Variants in AGTPBP1 observed in about 807,000 individuals in gnomAD.
The protein encoded by AGTPBP1 is ATP/GTP binding carboxypeptidase 1.
Under a neutral mutation model 143.9 loss-of-function variants are expected in AGTPBP1, and 70 were observed. The ratio of observed to expected loss-of-function variants is 0.49; its 90% CI spans 0.40 to 0.59. The LOEUF is 0.59. Ranked by LOEUF, AGTPBP1 falls within the 20% of genes least tolerant of loss-of-function variation. The pLI is 0.00. For synonymous variants in AGTPBP1, 463 were observed against 500.2 expected (o/e 0.93, Z 0.99); for missense variants, 1,229 against 1,464.5 (o/e 0.84, Z 2.62).
At chr9:85,723,553 C>T (rs1019501087) in intron 1 of AGTPBP1, among the ~76,000 whole-genome samples, 6 of 152,178 alleles carry the variant, frequency 3.9e-5, no homozygotes, top group South Asian at 2.1e-4. Context: ...ATGGGAAAAG[C>T]GCAGTATTTG....
At chr9:85,708,982 TC>T (rs1837196407) in intron 2 of AGTPBP1, among the ~76,000 whole-genome samples, 1 of 152,198 alleles carries the variant, frequency 6.6e-6, no homozygotes, top group Admixed American at 6.5e-5. Context: ...ACTTCCTGAT[TC>T]CAAAATTCTA....
chr9:85,712,260 G>A (rs935652420), intron 2 of AGTPBP1, among the ~76,000 whole-genome samples: 10 of 151,346 alleles, frequency 6.6e-5, no homozygotes, highest in South Asian at 2.1e-4. Context: ...GTGAAATTCC[G>A]TCTCAAAAAA....
intron 17 of AGTPBP1, 81 bp from the exon 18 acceptor site, chr9:85,596,530 C>T: frequency 2.2e-6 from 2 of 913,076 alleles, no homozygotes; most frequent in Non-Finnish European, 3.2e-6. Context: ...GTAGAAAGCA[C>T]CAAACATTCA....
the AGTPBP1 span, among the ~76,000 whole-genome samples, chr9:85,749,098 G>A: frequency 1.3e-5 from 2 of 148,180 alleles, no homozygotes; most frequent in Admixed American, 1.4e-4. Context: ...GGGCTCAAGC[G>A]ATCCTCCCAC....
intron 2 of AGTPBP1, among the ~76,000 whole-genome samples, chr9:85,698,958 G>A (rs997055138): frequency 2.6e-5 from 4 of 151,654 alleles, no homozygotes; most frequent in African/African-American, 4.8e-5. Context: ...CTCCCAAAGC[G>A]CTGAGATTAC....
intron 14 of AGTPBP1, among the ~76,000 whole-genome samples, chr9:85,628,351 G>A (rs1362549090): frequency 6.6e-6 from 1 of 152,126 alleles, no homozygotes; most frequent in Non-Finnish European, 1.5e-5. Flanking sequence ...TGGCAAATAT[G>A]GCAGGAAAAT....
At chr9:85,764,379 A>T in the AGTPBP1 span, among the ~76,000 whole-genome samples, 1 of 152,002 alleles carries the variant, frequency 6.6e-6, no homozygotes, top group African/African-American at 2.4e-5. Context: ...AAATACAAAA[A>T]ATTAGCTGCA....
chr9:85,609,380 T>C (rs1233117100), intron 17 of AGTPBP1, among the ~76,000 whole-genome samples: 2 of 149,254 alleles, frequency 1.3e-5, no homozygotes, highest in Non-Finnish European at 3.0e-5. Flanking sequence ...AACCTCCACC[T>C]CCCAGGTTCA....
intron 11 of AGTPBP1, among the ~76,000 whole-genome samples, chr9:85,653,111 G>C (rs1481913329): frequency 6.6e-6 from 1 of 151,940 alleles, no homozygotes; most frequent in Non-Finnish European, 1.5e-5. Context: ...TGACATGTGA[G>C]AAAATAATGG....
At chr9:85,772,950 A>G in the AGTPBP1 span, among the ~76,000 whole-genome samples, 1 of 152,096 alleles carries the variant, frequency 6.6e-6, no homozygotes, top group South Asian at 2.1e-4. Flanking sequence ...AAGGGTGATC[A>G]TTAGAGCAAC....
intron 25 of AGTPBP1, among the ~76,000 whole-genome samples, chr9:85,574,668 G>A (rs2133047042): frequency 6.6e-6 from 1 of 151,468 alleles, no homozygotes; most frequent in Admixed American, 6.6e-5. Flanking sequence ...TCTGATGTGT[G>A]TAGACATCAA....
At chr9:85,568,253 CTAA>C (rs1335772752) in intron 25 of AGTPBP1, among the ~76,000 whole-genome samples, 1 of 152,150 alleles carries the variant, frequency 6.6e-6, no homozygotes, top group Non-Finnish European at 1.5e-5. Context: ...GTCTGGTGAT[CTAA>C]TAATAATAAA....
At chr9:85,602,865 G>C (rs981952285) in intron 17 of AGTPBP1, among the ~76,000 whole-genome samples, 1 of 152,186 alleles carries the variant, frequency 6.6e-6, no homozygotes, top group Non-Finnish European at 1.5e-5. Flanking sequence ...AGAACATGCA[G>C]TGACTGTGGG....
intron 2 of AGTPBP1, among the ~76,000 whole-genome samples, chr9:85,695,178 C>A (rs1191492140): frequency 1.3e-5 from 2 of 152,062 alleles, no homozygotes; most frequent in Non-Finnish European, 2.9e-5. Context: ...TGCTTTGTAA[C>A]CTTCACTCAG....
At chr9:85,560,674 G>C (rs1826651333) in intron 25 of AGTPBP1, among the ~76,000 whole-genome samples, 1 of 151,676 alleles carries the variant, frequency 6.6e-6, no homozygotes, top group African/African-American at 2.4e-5. Flanking sequence ...GTATTAAAAA[G>C]ATAAATTTAA....
At chr9:85,642,725 T>A in intron 13 of AGTPBP1, 102 bp downstream of exon 13, 1 of 951,944 alleles carries the variant, frequency 1.1e-6, no homozygotes, top group Non-Finnish European at 1.6e-6. Context: ...GTTTCACTTT[T>A]TAGAAATGGA....
the AGTPBP1 span, among the ~76,000 whole-genome samples, chr9:85,784,168 T>G: frequency 6.6e-6 from 1 of 152,202 alleles, no homozygotes; most frequent in Non-Finnish European, 1.5e-5. Context: ...AAACTATATG[T>G]AAGGATAATA....
upstream of AGTPBP1, among the ~76,000 whole-genome samples, chr9:85,746,545 C>G (rs575979085): frequency 6.6e-6 from 1 of 152,208 alleles, no homozygotes; most frequent in African/African-American, 2.4e-5. Context: ...AGGAGGATAG[C>G]TTGAGCCCAG....
At chr9:85,742,907 T>G (rs535758379), upstream of AGTPBP1, among the ~76,000 whole-genome samples, 4 of 152,332 alleles carry the variant, frequency 2.6e-5, no homozygotes, top group African/African-American at 9.6e-5. Context: ...GAGATTTTTG[T>G]TTTGTTTTAT....
Sources: allele counts gnomAD v4.1 joint callset (sites outside exome capture counted in the v4.1 genomes callset), GRCh38; gene constraint gnomAD v4.1.1; transcripts MANE v1.5; gene names NCBI Gene and HGNC (gene_info 2026-07-23, HGNC 2026-07-21).